PRKN: variants seen among roughly 807,000 people sequenced by gnomAD.
The protein encoded by PRKN is E3 ubiquitin-protein ligase parkin.
Under a neutral mutation model 59.5 loss-of-function variants are expected in PRKN, and 56 were observed. That is an observed-to-expected ratio of 0.94 (90% confidence interval 0.76 to 1.18). The LOEUF is 1.18. PRKN is among the 50% of genes most tolerant of loss of function. The pLI is 0.00. For synonymous variants in PRKN, 250 were observed against 222.1 expected, an observed-to-expected ratio of 1.13 and a Z score of -1.12; for missense variants, 657 against 596.4, an observed-to-expected ratio of 1.10 and a Z score of -1.06.
At chr6:162,165,167 T>C (rs572196882) in intron 4 of PRKN, among the ~76,000 whole-genome samples, 1 of 148,874 alleles carries the variant, frequency 6.7e-6, no homozygotes, top group African/African-American at 2.5e-5. Context: ...CACACTATCA[T>C]AAAATTTACA....
At chr6:162,051,363 C>T (rs1176736274) in intron 5 of PRKN, among the ~76,000 whole-genome samples, 2 of 152,162 alleles carry the variant, frequency 1.3e-5, no homozygotes, top group Non-Finnish European at 1.5e-5. Flanking sequence ...TGTGAAGAAG[C>T]TTCATTTGTC....
At chr6:162,303,396 C>T (rs749791940) in intron 2 of PRKN, among the ~76,000 whole-genome samples, 2 of 152,164 alleles carry the variant, frequency 1.3e-5, no homozygotes, top group Non-Finnish European at 2.9e-5. Context: ...CTCCACTGTG[C>T]ATCTCTGTTC....
At chr6:161,704,372 A>G (rs1238130773) in intron 7 of PRKN, among the ~76,000 whole-genome samples, 1 of 152,008 alleles carries the variant, frequency 6.6e-6, no homozygotes, top group African/African-American at 2.4e-5. Flanking sequence ...ATTTCCCCTC[A>G]TACTCTGACT....
chr6:162,201,189 G>A lies in PRKN; in HGVS notation c.476C>T (p.Pro159Leu), dbSNP rs562500530. 1.3e-5 allele frequency: 21 copies of A among 1,613,822 alleles called. No homozygotes were observed. Among genetic ancestry groups the A allele is most frequent in the Admixed American group, 1.7e-5 (1 of 59,986 alleles). Residue 159 changes from proline to leucine, a missense_variant, in exon 4 of 12, where the codon CCG becomes CTG. Pro to Leu is a moderately conservative substitution (Grantham distance 98, BLOSUM62 -3). Coordinates refer to ENST00000366898, the MANE Select transcript of PRKN (RefSeq NM_004562.3). ...YCKGPCQRVQ[P>L]GKLRVQCSTC... Reference sequence around the variant, plus strand: ...GCTGCACTGTACCCTGAGTTTTCCCGGCTGCACTCTTTGACAGGGGCCTTT... The same window carrying A: ...GCTGCACTGTACCCTGAGTTTTCCCAGCTGCACTCTTTGACAGGGGCCTTT...
At chr6:161,490,632 C>T (rs958543951) in intron 9 of PRKN, among the ~76,000 whole-genome samples, 2 of 152,078 alleles carry the variant, frequency 1.3e-5, no homozygotes, top group Non-Finnish European at 2.9e-5. Flanking sequence ...CTCAGGTGAT[C>T]CTCCCACCTT....
intron 5 of PRKN, among the ~76,000 whole-genome samples, chr6:162,037,501 T>C (rs1783892981): frequency 6.6e-6 from 1 of 151,698 alleles, no homozygotes; most frequent in South Asian, 2.1e-4. Flanking sequence ...GTGTTAATAG[T>C]GATTATCTCC....
intron 1 of PRKN, among the ~76,000 whole-genome samples, chr6:162,580,528 G>A (rs1780749279): frequency 1.3e-5 from 2 of 151,240 alleles, no homozygotes; most frequent in South Asian, 4.2e-4. Flanking sequence ...AGCATGGGGT[G>A]ACAGGGACCT....
At chr6:162,331,202 C>G (rs1334778090) in intron 2 of PRKN, among the ~76,000 whole-genome samples, 1 of 151,008 alleles carries the variant, frequency 6.6e-6, no homozygotes, top group Non-Finnish European at 1.5e-5. Flanking sequence ...AATTCTATCA[C>G]AAGAAGCACA....
At chr6:161,665,782 G>T (rs1206349627) in intron 7 of PRKN, among the ~76,000 whole-genome samples, 3 of 152,178 alleles carry the variant, frequency 2.0e-5, no homozygotes, top group African/African-American at 7.2e-5. Context: ...TTCATATTAA[G>T]TCTTATATGA....
At chr6:162,690,968 A>G (rs1777752153) in intron 1 of PRKN, among the ~76,000 whole-genome samples, 1 of 152,098 alleles carries the variant, frequency 6.6e-6, no homozygotes, top group Non-Finnish European at 1.5e-5. Flanking sequence ...TACAGTAAAT[A>G]CCTTTGGTTA....
At chr6:161,754,862 C>T (rs532061285) in intron 7 of PRKN, among the ~76,000 whole-genome samples, 2 of 152,298 alleles carry the variant, frequency 1.3e-5, no homozygotes, top group African/African-American at 4.8e-5. Context: ...TAGTGTGTTA[C>T]AGAATCTTTT....
chr6:162,457,011 T>C (rs1409749859), intron 1 of PRKN, among the ~76,000 whole-genome samples: 1 of 152,172 alleles, frequency 6.6e-6, no homozygotes, highest in Non-Finnish European at 1.5e-5. Flanking sequence ...AAGAGGGCAT[T>C]TGTTTGCAGT....
At chr6:162,569,368 G>T in intron 1 of PRKN, 1 of 649,582 alleles carries the variant, frequency 1.5e-6, no homozygotes. Flanking sequence ...AACAGGCCAT[G>T]CAGGACATGG....
intron 9 of PRKN, among the ~76,000 whole-genome samples, chr6:161,387,518 G>T (rs111548933): frequency 6.6e-4 from 100 of 152,290 alleles, no homozygotes; most frequent in African/African-American, 2.2e-3. Flanking sequence ...TGTGAGAACA[G>T]ACTAATACAC....
intron 9 of PRKN, among the ~76,000 whole-genome samples, chr6:161,482,103 A>G (rs1408879700): frequency 6.6e-6 from 1 of 152,216 alleles, no homozygotes; most frequent in East Asian, 1.9e-4. Flanking sequence ...TCAAAGAAAC[A>G]ATCTCAAGTA....
chr6:162,174,368 C>T (rs1783436254), intron 4 of PRKN, among the ~76,000 whole-genome samples: 1 of 152,162 alleles, frequency 6.6e-6, no homozygotes, highest in Non-Finnish European at 1.5e-5. Flanking sequence ...AATCCCAAGT[C>T]CTTGCCGTCC....
chr6:162,240,960 G>C (rs1265791877), intron 3 of PRKN, among the ~76,000 whole-genome samples: 1 of 152,276 alleles, frequency 6.6e-6, no homozygotes, highest in South Asian at 2.1e-4. Context: ...GAAGACTATA[G>C]AACTGCCCTG....
intron 3 of PRKN, among the ~76,000 whole-genome samples, chr6:162,204,709 G>GTTTTTTTTTTT (rs141650101): frequency 2.4e-5 from 3 of 125,916 alleles, no homozygotes; most frequent in African/African-American, 2.7e-5. Flanking sequence ...TTATTCAGAA[G>GTTTTTTTTTTT]TTTTGTTTTT....
At chr6:162,709,424 C>T (rs1004700455) in intron 1 of PRKN, among the ~76,000 whole-genome samples, 1 of 151,006 alleles carries the variant, frequency 6.6e-6, no homozygotes, top group Admixed American at 6.6e-5. Flanking sequence ...GTTGCTTTCG[C>T]AGGTGAGAGA....
Sources: allele counts gnomAD v4.1 joint callset (sites outside exome capture counted in the v4.1 genomes callset), GRCh38; gene constraint gnomAD v4.1.1; transcripts MANE v1.5; gene names NCBI Gene and HGNC (gene_info 2026-07-23, HGNC 2026-07-21).